Variants in STPG2 observed in about 807,000 individuals in gnomAD.
STPG2 encodes the protein sperm-tail PG-rich repeat-containing protein 2.
STPG2 carries 56 observed loss-of-function variants against 54.2 expected under a neutral mutation model. The observed-to-expected ratio is 1.03, with a 90% CI of 0.83 to 1.29. STPG2 has a LOEUF of 1.29. STPG2 is among the 50% of genes most tolerant of loss of function. The pLI is 0.00. For synonymous variants in STPG2, 200 were observed against 181.8 expected (o/e 1.10, Z -0.81); for missense variants, 596 against 544.9 (o/e 1.09, Z -0.93).
At chr4:97,675,087 T>G in intron 10 of STPG2, among the ~76,000 whole-genome samples, 1 of 152,168 alleles carries the variant, frequency 6.6e-6, no homozygotes, top group East Asian at 1.9e-4. Flanking sequence ...GACCGCATCC[T>G]CTACCTCCTG....
intron 9 of STPG2, among the ~76,000 whole-genome samples, chr4:97,732,580 G>A (rs554171363): frequency 6.6e-5 from 10 of 152,176 alleles, no homozygotes; most frequent in South Asian, 6.2e-4. Flanking sequence ...GCAGGACCTC[G>A]TTAAAAGCTT....
chr4:97,943,907 A>G lies in STPG2; in HGVS notation c.1034T>C (p.Val345Ala). ...FLSRAKRTMKVPDMVIPAPGS... is the reference protein window; with the variant it reads ...FLSRAKRTMKAPDMVIPAPGS... ...TAGGAGTATTCTTACCATATCTGGT[A>G]CTTTCATAGTTCTTTTGGCTCTTGA... Residue 345 changes from valine to alanine, a missense_variant, in exon 8 of 11, where the codon GTA becomes GCA. Physicochemically the swap from Val to Ala is moderately conservative, Grantham distance 64 (BLOSUM62 0). Transcript: ENST00000295268. The G allele has an allele frequency of 6.4e-7, 1 of 1,572,192 alleles. No individual in the cohort carries two copies. Among genetic ancestry groups the G allele is most frequent in the South Asian group, 1.2e-5 (1 of 84,194 alleles).
chr4:98,057,260 T>C (rs1299894092), intron 5 of STPG2, among the ~76,000 whole-genome samples: 1 of 152,162 alleles, frequency 6.6e-6, no homozygotes, highest in Non-Finnish European at 1.5e-5. Flanking sequence ...ATGAAGTTAA[T>C]TGAGCAACAG....
intron 4 of STPG2, among the ~76,000 whole-genome samples, chr4:97,450,875 T>C (rs1729348978): frequency 6.6e-6 from 1 of 152,218 alleles, no homozygotes; most frequent in Non-Finnish European, 1.5e-5. Flanking sequence ...ATATCCTACA[T>C]GCACTTATTT....
intron 5 of STPG2, among the ~76,000 whole-genome samples, chr4:98,094,266 TG>T (rs994109024): frequency 3.3e-5 from 5 of 152,156 alleles, no homozygotes; most frequent in African/African-American, 1.2e-4. Context: ...AGACACACCC[TG>T]GGCCAAAAGG....
At chr4:97,550,806 C>T (rs1470135833) in intron 4 of STPG2, among the ~76,000 whole-genome samples, 3 of 151,876 alleles carry the variant, frequency 2.0e-5, no homozygotes, top group Non-Finnish European at 2.9e-5. Context: ...CACAGACCTC[C>T]GCAGTGAGTG....
chr4:97,940,903 G>A (rs938784014), intron 8 of STPG2, among the ~76,000 whole-genome samples: 1 of 152,026 alleles, frequency 6.6e-6, no homozygotes, highest in African/African-American at 2.4e-5. Flanking sequence ...TCTAGGAAAT[G>A]CTCGGTTCAT....
chr4:97,735,042 C>T (rs1333353065), intron 9 of STPG2, among the ~76,000 whole-genome samples: 1 of 146,312 alleles, frequency 6.8e-6, no homozygotes, highest in Non-Finnish European at 1.5e-5. Flanking sequence ...CACTGCACTA[C>T]AGCCTGGGCA....
intron 10 of STPG2, among the ~76,000 whole-genome samples, chr4:97,571,595 C>T (rs1332515778): frequency 6.6e-6 from 1 of 152,142 alleles, no homozygotes; most frequent in African/African-American, 2.4e-5. Flanking sequence ...ATAAACTCAA[C>T]CAATTGTCAA....
intron 8 of STPG2, among the ~76,000 whole-genome samples, chr4:97,933,296 T>G (rs1346838140): frequency 6.6e-6 from 1 of 152,182 alleles, no homozygotes; most frequent in East Asian, 1.9e-4. Context: ...AAAAAAATTT[T>G]CTCCCACTCT....
intron 9 of STPG2, among the ~76,000 whole-genome samples, chr4:97,783,744 TA>T (rs1029861987): frequency 6.6e-6 from 1 of 152,144 alleles, no homozygotes; most frequent in African/African-American, 2.4e-5. Flanking sequence ...TATGCAGCTA[TA>T]AAAAAGGATG....
intron 7 of STPG2, among the ~76,000 whole-genome samples, chr4:97,965,179 G>A (rs1284812896): frequency 6.6e-6 from 1 of 152,204 alleles, no homozygotes; most frequent in Non-Finnish European, 1.5e-5. Context: ...CGACAGACCA[G>A]GAGATTATCT....
At chr4:97,474,992 C>A (rs1326238052) in intron 4 of STPG2, among the ~76,000 whole-genome samples, 1 of 151,940 alleles carries the variant, frequency 6.6e-6, no homozygotes, top group East Asian at 1.9e-4. Context: ...AGCATTAATT[C>A]ATTTTCTTAT....
chr4:97,566,487 G>A (rs1024200406), intron 10 of STPG2, among the ~76,000 whole-genome samples: 7 of 152,222 alleles, frequency 4.6e-5, no homozygotes, highest in African/African-American at 1.2e-4. Flanking sequence ...AGACGAACCC[G>A]GTACCTCAGA....
intron 9 of STPG2, among the ~76,000 whole-genome samples, chr4:97,751,592 G>A (rs749901946): frequency 2.0e-5 from 3 of 151,760 alleles, no homozygotes; most frequent in Non-Finnish European, 4.4e-5. Context: ...AAAGAATTTA[G>A]TAATTAGGTA....
Position 97,850,992 on chromosome 4 carries a change from A to G in STPG2, c.1045-10060T>C, listed in dbSNP as rs190763007. On this transcript the variant is annotated intron_variant, in intron 8 of 10. Coordinates refer to ENST00000295268, the MANE Select transcript of STPG2 (RefSeq NM_174952.3). ...GTAATATTGAACTATCTTTGTCAAA[A>G]GCTTTCTGACCAGGGTTTGTTCATT... Among the ~76,000 whole-genome samples the G allele has an allele frequency of 1.2e-4, 19 of 152,310 alleles. No homozygotes were observed. The East Asian group carries it at 3.5e-3, about 28-fold the overall frequency.
intron 5 of STPG2, among the ~76,000 whole-genome samples, chr4:98,033,017 C>A (rs1736648458): frequency 1.3e-5 from 2 of 151,886 alleles, no homozygotes. Context: ...ACCCTAACAT[C>A]ACAATTAAAA....
At chr4:97,523,336 A>G (rs1466341637) in intron 4 of STPG2, among the ~76,000 whole-genome samples, 1 of 151,902 alleles carries the variant, frequency 6.6e-6, no homozygotes, top group African/African-American at 2.4e-5. Flanking sequence ...AAGAGAGGTC[A>G]TATCTGCACA....
chr4:97,849,373 G>C (rs1333746067), intron 8 of STPG2, among the ~76,000 whole-genome samples: 1 of 151,964 alleles, frequency 6.6e-6, no homozygotes, highest in Non-Finnish European at 1.5e-5. Context: ...AGGACTTCAT[G>C]TCCAAAACAC....
Sources: gnomAD v4.1 joint callset for allele counts (sites outside exome capture counted in the v4.1 genomes callset) on GRCh38, gnomAD v4.1.1 for gene constraint, MANE v1.5 for transcripts, NCBI Gene and HGNC (gene_info 2026-07-23, HGNC 2026-07-21) for gene names.